The following PCDHGA11 variants were observed in gnomAD, a reference collection of about 807,000 sequenced individuals.
PCDHGA11 encodes protocadherin gamma subfamily A, 11.
PCDHGA11 carries 39 observed loss-of-function variants against 60.4 expected under a neutral mutation model. The observed-to-expected ratio is 0.65, with a 90% CI of 0.50 to 0.84. The LOEUF is 0.84. PCDHGA11 is among the 40% of genes least tolerant of loss of function. The pLI, the probability that PCDHGA11 is intolerant of heterozygous loss-of-function variation, is 0.00. For synonymous variants in PCDHGA11, 533 were observed against 510.3 expected (o/e 1.04, Z -0.60); for missense variants, 1,165 against 1,197.7 (o/e 0.97, Z 0.40).
intron 1 of PCDHGA11, among the ~76,000 whole-genome samples, chr5:141,456,790 C>T (rs1364747385): frequency 6.6e-6 from 1 of 151,976 alleles, no homozygotes; most frequent in Admixed American, 6.6e-5. Flanking sequence ...TGGCAAAACC[C>T]CATCTCTACT....
chr5:141,432,413 G>T lies in PCDHGA11; in HGVS notation c.2433+8753G>T, dbSNP rs369816901. On this transcript the variant is annotated intron_variant, in intron 1 of 3. Transcript: ENST00000398587. This position sits in a 1 kb window ranked among gnomAD's most constrained non-coding sequence, Gnocchi z 6.0. ...CAGCAACGTGTCGTTGAGCCTGTTCGTGCTGGACCAGAACGACAATGCGCC... is the reference window on the plus strand; with the variant it reads ...CAGCAACGTGTCGTTGAGCCTGTTCTTGCTGGACCAGAACGACAATGCGCC... The T allele has an allele frequency of 6.2e-7, 1 of 1,614,232 alleles. No homozygotes were observed.
At chr5:141,505,559 G>A (rs1215110084) in intron 3 of PCDHGA11, 78 bp downstream of exon 3, 27 of 1,604,592 alleles carry the variant, frequency 1.7e-5, no homozygotes, top group Non-Finnish European at 2.0e-5. Flanking sequence ...CCATGCCCAC[G>A]GACTGGATGT....
intron 1 of PCDHGA11, chr5:141,442,535 A>C (rs2098331560): frequency 6.6e-6 from 1 of 152,240 alleles, no homozygotes; most frequent in Non-Finnish European, 1.5e-5. Flanking sequence ...CTCCAAGGTG[A>C]AAAATTCTTG....
rs1389286417 is a variant in PCDHGA11 at position 141,432,046 on chromosome 5, C to T, written c.2433+8386C>T. ...CAGTGACCGCCACTGACCGGGGAAC[C>T]CCGCCCCTATCCACGGAAACTCATA... On this transcript the variant is annotated intron_variant, in intron 1 of 3. Transcript: ENST00000398587. This position sits in a 1 kb window ranked among gnomAD's most constrained non-coding sequence, Gnocchi z 6.0. 3.1e-6 allele frequency: 5 copies of T among 1,614,224 alleles called. No homozygotes were observed. The highest frequency in any genetic ancestry group is 2.2e-5 in the East Asian group (1 of 44,886).
At chr5:141,458,854 T>G (rs2098955098) in intron 1 of PCDHGA11, among the ~76,000 whole-genome samples, 1 of 152,182 alleles carries the variant, frequency 6.6e-6, no homozygotes, top group South Asian at 2.1e-4. Flanking sequence ...CACCTCAGCC[T>G]TCCAAGTAGC....
At chr5:141,452,742 G>C (rs779371001) in intron 1 of PCDHGA11, among the ~76,000 whole-genome samples, 7 of 152,010 alleles carry the variant, frequency 4.6e-5, no homozygotes, top group Non-Finnish European at 8.8e-5. Context: ...GGAAGAGAGA[G>C]AAGGAAGAAG....
At position 141,491,023 on chromosome 5, in the gene PCDHGA11, G is replaced by A. The variant is rs773185039; in HGVS notation, c.2434-3784G>A. 17 of 1,613,990 alleles carry A rather than the reference G, an allele frequency of 1.1e-5. No individual in the cohort carries two copies. Among genetic ancestry groups the A allele is most frequent in the Admixed American group, 5.0e-5 (3 of 60,008 alleles). ...CTCCTTGGTCACCAAGGTGACAGCC[G>A]TGGATGCTGATGCAGGCCACAATGC... On this transcript the variant is annotated intron_variant, in intron 1 of 3. Coordinates refer to ENST00000398587, the MANE Select transcript of PCDHGA11 (RefSeq NM_018914.3). The surrounding 1 kb of genome is among the most constrained non-coding windows in gnomAD (Gnocchi z 6.9).
At chr5:141,469,951 T>G (rs1467717372) in intron 1 of PCDHGA11, among the ~76,000 whole-genome samples, 2 of 152,034 alleles carry the variant, frequency 1.3e-5, no homozygotes, top group African/African-American at 4.8e-5. Context: ...GCCAGCATGG[T>G]GAAACCCCAT....
chr5:141,425,962 C>T (rs2096906059), intron 1 of PCDHGA11, among the ~76,000 whole-genome samples: 2 of 152,236 alleles, frequency 1.3e-5, no homozygotes, highest in African/African-American at 2.4e-5. Flanking sequence ...TAGTCCAACA[C>T]ATCAGTCTAA....
At position 141,431,848 on chromosome 5, in the gene PCDHGA11, G is replaced by A. The variant is rs747401379; in HGVS notation, c.2433+8188G>A. 11 of 1,614,142 alleles carry A rather than the reference G, an allele frequency of 6.8e-6. No homozygotes were observed. The highest frequency in any genetic ancestry group is 2.2e-5 in the East Asian group (1 of 44,906). On this transcript the variant is annotated intron_variant, in intron 1 of 3. Coordinates refer to ENST00000398587, the MANE Select transcript of PCDHGA11 (RefSeq NM_018914.3). The surrounding 1 kb of genome is among the most constrained non-coding windows in gnomAD (Gnocchi z 4.8). ...CGGTTCCCGAAAACTCTCCCAGAGGGACATTAATTGCCCTTTTAAATGTAA... is the reference window on the plus strand; with the variant it reads ...CGGTTCCCGAAAACTCTCCCAGAGGAACATTAATTGCCCTTTTAAATGTAA...
chr5:141,488,714 A>G (rs2099678684), intron 1 of PCDHGA11, among the ~76,000 whole-genome samples: 1 of 152,192 alleles, frequency 6.6e-6, no homozygotes, highest in Non-Finnish European at 1.5e-5. Flanking sequence ...TGGTTCAAGC[A>G]AAGTGGTGGA....
At chr5:141,433,693 C>T (rs772152724) in intron 1 of PCDHGA11, among the ~76,000 whole-genome samples, 2 of 151,986 alleles carry the variant, frequency 1.3e-5, no homozygotes, top group Admixed American at 6.6e-5. Flanking sequence ...CAAAATTAGC[C>T]GGGCGTGGTG....
At chr5:141,469,770 A>G (rs1003620088) in intron 1 of PCDHGA11, among the ~76,000 whole-genome samples, 4 of 152,234 alleles carry the variant, frequency 2.6e-5, no homozygotes, top group Non-Finnish European at 5.9e-5. Flanking sequence ...ATACCAGCTT[A>G]TTTATTACAG....
chr5:141,450,991 A>AT (rs1351194705), intron 1 of PCDHGA11, among the ~76,000 whole-genome samples: 1 of 150,700 alleles, frequency 6.6e-6, no homozygotes. Context: ...CACCCGGCTA[A>AT]TTTTTTTGTA....
chr5:141,457,058 T>C (rs756862311), intron 1 of PCDHGA11, among the ~76,000 whole-genome samples: 1 of 152,230 alleles, frequency 6.6e-6, no homozygotes, highest in South Asian at 2.1e-4. Flanking sequence ...TCATGCTTCC[T>C]TTTTGCCAGT....
In PCDHGA11 at chr5:141,423,081, C is replaced by T. The variant is rs1393904828; in HGVS notation, c.1854C>T (p.Phe618=). 3.1e-6 allele frequency: 5 copies of T among 1,613,966 alleles called. No individual in the cohort carries two copies. The African/African-American group carries it at 4.0e-5, about 13-fold the overall frequency. ...TTAAGGCCAGCGAGCCGGGACTCTT[C>T]GCGGTGGGGGAGCACACGGGCGAGG... is the stretch of plus-strand genomic sequence containing the variant. ...RLLKASEPGL[F]AVGEHTGEVR... The change falls in exon 1 of 4, where the codon TTC becomes TTT. Residue 618 remains phenylalanine (F), a synonymous_variant. Coordinates refer to ENST00000398587, the MANE Select transcript of PCDHGA11 (RefSeq NM_018914.3).
intron 1 of PCDHGA11, chr5:141,427,531 A>C: frequency 1.6e-6 from 1 of 620,632 alleles, no homozygotes. Flanking sequence ...ATCCCGGAGT[A>C]CAACGTCACC....
intron 1 of PCDHGA11, among the ~76,000 whole-genome samples, chr5:141,460,995 A>G (rs566978077): frequency 1.1e-4 from 17 of 150,188 alleles, no homozygotes; most frequent in South Asian, 2.1e-4. Flanking sequence ...ATATATATAT[A>G]TGTGTATATA....
chr5:141,471,977 A>G (rs1487329441), intron 1 of PCDHGA11, among the ~76,000 whole-genome samples: 1 of 152,212 alleles, frequency 6.6e-6, no homozygotes, highest in Non-Finnish European at 1.5e-5. Context: ...ATTACTGTAT[A>G]AATTTATTAA....
Sources: allele counts gnomAD v4.1 joint callset (sites outside exome capture counted in the v4.1 genomes callset), GRCh38; gene constraint gnomAD v4.1.1; non-coding constraint Gnocchi (gnomAD v3.1); transcripts MANE v1.5; gene names NCBI Gene and HGNC (gene_info 2026-07-23, HGNC 2026-07-21).